The following SMIM19 variants were observed in gnomAD, a reference collection of about 807,000 sequenced individuals.
The protein encoded by SMIM19 is small integral membrane protein 19.
In SMIM19, 6 loss-of-function variants were observed where a neutral mutation model predicts 13.2. The observed-to-expected ratio is 0.45, with a 90% CI of 0.25 to 0.90. The LOEUF is 0.90. Among genes scored for constraint, SMIM19 ranks in the 40% least tolerant of loss-of-function variants. The pLI is 0.19. For synonymous variants in SMIM19, 46 were observed against 43.1 expected, an observed-to-expected ratio of 1.07 and a Z score of -0.27; for missense variants, 138 against 131.0, an observed-to-expected ratio of 1.05 and a Z score of -0.26.
chr8:42,545,491 G>T (rs1378035318), intron 1 of SMIM19, among the ~76,000 whole-genome samples: 3 of 152,174 alleles, frequency 2.0e-5, no homozygotes, highest in African/African-American at 7.2e-5. Flanking sequence ...CTAGGCTGCT[G>T]TGCAACACTT....
rs1320525665 is a variant in SMIM19 at position 42,546,345 on chromosome 8, T to C, written c.-4-124T>C. The C allele has an allele frequency of 6.3e-6, 7 of 1,114,760 alleles. No homozygotes were observed. The African/African-American group carries it at 6.4e-5, about 10-fold the overall frequency. The allele number at this position is 1,114,760 out of a possible 1,614,324, so 69.1% of individuals were successfully genotyped here. A position where few individuals can be genotyped will look rare whatever the true frequency, so the allele number is the denominator to read the frequency against. ...AAATGTAAATCCCATTCTTGGCTCA[T>C]GGGCCGCACACAAACAGGTGGTGGA... On this transcript the variant is annotated intron_variant, in intron 1 of 3. Coordinates refer to ENST00000417410, the MANE Select transcript of SMIM19 (RefSeq NM_001135674.2).
At chr8:42,544,636 T>C (rs1025910304) in intron 1 of SMIM19, among the ~76,000 whole-genome samples, 6 of 150,802 alleles carry the variant, frequency 4.0e-5, no homozygotes, top group African/African-American at 1.5e-4. Context: ...CCATAGTTAG[T>C]TTAGTCAAAT....
At chr8:42,547,406 C>T (rs1445553560) in intron 2 of SMIM19, among the ~76,000 whole-genome samples, 1 of 151,850 alleles carries the variant, frequency 6.6e-6, no homozygotes, top group Non-Finnish European at 1.5e-5. Flanking sequence ...GAGTTAAGTA[C>T]CACTCTCAGC....
chr8:42,545,368 G>A (rs1813443053), intron 1 of SMIM19, among the ~76,000 whole-genome samples: 1 of 152,150 alleles, frequency 6.6e-6, no homozygotes, highest in Non-Finnish European at 1.5e-5. Flanking sequence ...TCATCCCATA[G>A]CTTCTTTCAA....
At chr8:42,550,766 G>C (rs1813648290) in intron 3 of SMIM19, among the ~76,000 whole-genome samples, 1 of 152,108 alleles carries the variant, frequency 6.6e-6, no homozygotes, top group African/African-American at 2.4e-5. Flanking sequence ...GTTAAGATGT[G>C]GACATCTTTG....
intron 1 of SMIM19, among the ~76,000 whole-genome samples, chr8:42,544,055 T>TA (rs1470496935): frequency 1.3e-5 from 2 of 152,164 alleles, no homozygotes; most frequent in African/African-American, 2.4e-5. Flanking sequence ...CTATAAACCA[T>TA]AAAGTTACAT....
At chr8:42,543,146 A>G (rs1203570662) in intron 1 of SMIM19, among the ~76,000 whole-genome samples, 3 of 152,316 alleles carry the variant, frequency 2.0e-5, no homozygotes, top group Non-Finnish European at 2.9e-5. Context: ...ACATTACAGG[A>G]AAATGTGAAA....
intron 3 of SMIM19, 37 bp downstream of exon 3, chr8:42,548,817 C>T: frequency 6.4e-7 from 1 of 1,555,610 alleles, no homozygotes; most frequent in South Asian, 1.2e-5. Context: ...CACATATGCA[C>T]ATTTAAAATA....
chr8:42,549,731 A>G (rs1043728426), intron 3 of SMIM19, among the ~76,000 whole-genome samples: 1 of 152,198 alleles, frequency 6.6e-6, no homozygotes, highest in Non-Finnish European at 1.5e-5. Flanking sequence ...GGTAAAGTTT[A>G]TGTTATGTAT....
In SMIM19 at chr8:42,542,300, A is replaced by T; in HGVS notation, c.-78A>T. On this transcript the variant is annotated 5_prime_UTR_variant, in exon 1 of 4. Coordinates refer to ENST00000417410, the MANE Select transcript of SMIM19 (RefSeq NM_001135674.2). ...TGCCGCCCAGCAGGGTTGTTGGGAT[A>T]ATTCAGTGACTCTGTGGACTGCCCA... 3.7e-6 allele frequency: 1 copy of T among 268,660 alleles called. No homozygotes were observed. The highest frequency in any genetic ancestry group is 5.7e-6 in the Non-Finnish European group (1 of 174,836). 16.6% of individuals were successfully genotyped at this position (268,660 alleles called of 1,614,324 possible).
At chr8:42,546,880 G>A (rs887078238) in intron 2 of SMIM19, among the ~76,000 whole-genome samples, 5 of 151,550 alleles carry the variant, frequency 3.3e-5, no homozygotes, top group South Asian at 2.1e-4. Context: ...TTACTTGGGC[G>A]GCTGAGACAG....
chr8:42,552,519 C>A (rs781669909), intron 3 of SMIM19, 25 bp from the exon 4 acceptor site: 51 of 1,611,884 alleles, frequency 3.2e-5, no homozygotes, highest in Non-Finnish European at 4.2e-5. Flanking sequence ...TTAATTTTAT[C>A]TCTTCTTTTT....
Position 42,548,718 on chromosome 8 carries a change from C to G in SMIM19, c.197C>G (p.Pro66Arg). 6.2e-7 allele frequency: 1 copy of G among 1,613,820 alleles called. No individual in the cohort carries two copies. The highest frequency in any genetic ancestry group is 1.3e-5 in the African/African-American group (1 of 74,990). ...CCTACAGAGGAAACTTTGTCAGAGC[C>G]CAACTTTTATGACACGATAAGCAAG... is the stretch of plus-strand genomic sequence containing the variant. ...VPPTEETLSE[P>R]NFYDTISKIR... is the part of the protein sequence containing the mutation. Residue 66 changes from proline (P) to arginine (R), a missense_variant, in exon 3 of 4, where the codon CCC becomes CGC. Coordinates refer to ENST00000417410, the MANE Select transcript of SMIM19 (RefSeq NM_001135674.2).
At chr8:42,542,640 TATGA>T (rs1813292031) in intron 1 of SMIM19, among the ~76,000 whole-genome samples, 1 of 151,938 alleles carries the variant, frequency 6.6e-6, no homozygotes, top group Non-Finnish European at 1.5e-5. Flanking sequence ...TTTTAAAGCT[TATGA>T]TACAGTGACC....
intron 3 of SMIM19, among the ~76,000 whole-genome samples, chr8:42,549,412 A>C (rs77638935): frequency 6.9e-6 from 1 of 145,366 alleles, no homozygotes; most frequent in Non-Finnish European, 1.5e-5. Flanking sequence ...ACTCCGTCTC[A>C]AAAAAAAAAA....
chr8:42,544,267 C>T (rs1007093260), intron 1 of SMIM19, among the ~76,000 whole-genome samples: 12 of 152,110 alleles, frequency 7.9e-5, no homozygotes, highest in African/African-American at 2.7e-4. Flanking sequence ...AAAAAGTAGC[C>T]GGGCGCGGTG....
At chr8:42,544,663 G>C (rs1268153366) in intron 1 of SMIM19, among the ~76,000 whole-genome samples, 2 of 152,192 alleles carry the variant, frequency 1.3e-5, no homozygotes, top group Admixed American at 1.3e-4. Flanking sequence ...TGCCCTCAGT[G>C]TGAAGAGTTG....
intron 3 of SMIM19, among the ~76,000 whole-genome samples, 154 bp downstream of exon 3, chr8:42,548,934 T>G (rs2131495650): frequency 6.6e-6 from 1 of 152,362 alleles, no homozygotes; most frequent in East Asian, 1.9e-4. Flanking sequence ...ATACTTATCC[T>G]TTGTTCCTTT....
chr8:42,542,449 A>G, intron 1 of SMIM19, 76 bp downstream of exon 1: 1 of 985,350 alleles, frequency 1.0e-6, no homozygotes. Context: ...CCATTTTTTG[A>G]TGCAGAGGAT....
Sources: allele counts gnomAD v4.1 joint callset (sites outside exome capture counted in the v4.1 genomes callset), GRCh38; gene constraint gnomAD v4.1.1; transcripts MANE v1.5; gene names NCBI Gene and HGNC (gene_info 2026-07-23, HGNC 2026-07-21).